The following DSE variants were observed in gnomAD, a reference collection of about 807,000 sequenced individuals.
The protein encoded by DSE is dermatan-sulfate epimerase.
Under a neutral mutation model 84.4 loss-of-function variants are expected in DSE, and 36 were observed. The observed-to-expected ratio is 0.43, with a 90% CI of 0.33 to 0.56. The LOEUF (loss-of-function observed/expected upper bound fraction) is 0.56, where lower values mean the gene tolerates loss of function less well. Ranked by LOEUF, DSE falls within the 20% of genes least tolerant of loss-of-function variation. DSE has a pLI of 0.06. For missense variants in DSE, 862 were observed against 1,169.6 expected (o/e 0.74, Z 3.84); for synonymous variants, 410 against 430.1 (o/e 0.95, Z 0.58).
At chr6:116,345,731 A>G (rs1326519684) in intron 2 of DSE, among the ~76,000 whole-genome samples, 10 of 152,340 alleles carry the variant, frequency 6.6e-5, no homozygotes, top group African/African-American at 2.4e-4. Context: ...GAGCAAACAC[A>G]TTCAAAAGCT....
intron 2 of DSE, among the ~76,000 whole-genome samples, chr6:116,316,826 C>CTATTATTATTAT (rs5879374): frequency 0.014 from 2,027 of 145,844 alleles, 40 homozygotes; most frequent in East Asian, 0.098. Context: ...ACTACTACTA[C>CTATTATTATTAT]TATTATTATT....
At chr6:116,348,109 C>T (rs1368078933) in intron 2 of DSE, among the ~76,000 whole-genome samples, 1 of 152,140 alleles carries the variant, frequency 6.6e-6, no homozygotes, top group South Asian at 2.1e-4. Context: ...CCATCTCACA[C>T]CAGTTAGAAT....
chr6:116,432,645 T>C (rs1319217670), intron 4 of DSE: 1 of 151,914 alleles, frequency 6.6e-6, no homozygotes, highest in African/African-American at 2.4e-5. Context: ...GTTGATACTC[T>C]AGTAGCAATT....
At chr6:116,285,176 C>A (rs1357742999) in intron 2 of DSE, among the ~76,000 whole-genome samples, 2 of 152,204 alleles carry the variant, frequency 1.3e-5, no homozygotes, top group Non-Finnish European at 2.9e-5. Flanking sequence ...TCGTCTCCAG[C>A]ACCTGTTGTT....
At position 116,278,753 on chromosome 6, in the gene DSE, C is replaced by T; in HGVS notation, c.-54+19786C>T. On this transcript the variant is annotated intron_variant, in intron 2 of 3. Transcript: ENST00000430252. ...CGAATGAAGGACTGGGGTTCATGCC[C>T]CCTGCGCCATATAATTGGAGTAGAA... 3 of 1,614,118 alleles carry T rather than the reference C, an allele frequency of 1.9e-6. No individual in the cohort carries two copies. The highest frequency in any genetic ancestry group is 2.5e-6 in the Non-Finnish European group (3 of 1,180,030).
intron 1 of DSE, among the ~76,000 whole-genome samples, chr6:116,372,068 C>A (rs1779622688): frequency 6.6e-6 from 1 of 152,196 alleles, no homozygotes; most frequent in Non-Finnish European, 1.5e-5. Context: ...TTTAGAAAGT[C>A]ATGGTTTAGC....
chr6:116,331,277 GGAAA>G (rs1776919338), intron 2 of DSE, among the ~76,000 whole-genome samples: 1 of 152,086 alleles, frequency 6.6e-6, no homozygotes, highest in Non-Finnish European at 1.5e-5. Flanking sequence ...AATTTATAAA[GGAAA>G]GAGATTTAAT....
chr6:116,306,739 T>C (rs562735205), intron 2 of DSE, among the ~76,000 whole-genome samples: 1 of 152,148 alleles, frequency 6.6e-6, no homozygotes, highest in Non-Finnish European at 1.5e-5. Flanking sequence ...GTGATACTCT[T>C]TAGAGATGGG....
chr6:116,382,067 G>GTGTGTT (rs1182642370), intron 1 of DSE, among the ~76,000 whole-genome samples: 1 of 151,840 alleles, frequency 6.6e-6, no homozygotes, highest in East Asian at 1.9e-4. Flanking sequence ...GTGTGTGTGT[G>GTGTGTT]TGTGTCTCCA....
chr6:116,425,008 G>A (rs1396452822), intron 2 of DSE, among the ~76,000 whole-genome samples: 1 of 152,124 alleles, frequency 6.6e-6, no homozygotes, highest in Non-Finnish European at 1.5e-5. Flanking sequence ...TGATGGTATT[G>A]GGAGGATCTG....
At chr6:116,392,459 T>C (rs939896457) in intron 1 of DSE, among the ~76,000 whole-genome samples, 8 of 152,210 alleles carry the variant, frequency 5.3e-5, no homozygotes, top group African/African-American at 1.9e-4. Context: ...ATCATGTAAC[T>C]AACTATGGGG....
At chr6:116,258,460 GC>G (rs1404705573) in exon 2 of DSE, 1 of 896,084 alleles carries the variant, frequency 1.1e-6, no homozygotes, top group Non-Finnish European at 1.9e-6. Context: ...GCCCTGAAGG[GC>G]AGACAGGTTT....
At chr6:116,343,663 C>G (rs535369419) in intron 2 of DSE, among the ~76,000 whole-genome samples, 1 of 152,236 alleles carries the variant, frequency 6.6e-6, no homozygotes, top group South Asian at 2.1e-4. Context: ...GTAGATAAAA[C>G]CACAAAGATG....
intron 2 of DSE, among the ~76,000 whole-genome samples, chr6:116,273,364 A>C (rs757371446): frequency 6.6e-6 from 1 of 152,200 alleles, no homozygotes; most frequent in Non-Finnish European, 1.5e-5. Context: ...GCTTGATAGA[A>C]ACTCTTCTAT....
At chr6:116,384,697 A>T (rs1780464795) in intron 1 of DSE, among the ~76,000 whole-genome samples, 1 of 152,190 alleles carries the variant, frequency 6.6e-6, no homozygotes, top group East Asian at 1.9e-4. Flanking sequence ...ATCTCTGAGG[A>T]TTTAAAAGTT....
intron 2 of DSE, chr6:116,279,006 G>A: frequency 1.2e-6 from 2 of 1,614,138 alleles, no homozygotes; most frequent in Admixed American, 1.7e-5. Flanking sequence ...AGAAGCCCGG[G>A]ATATTCTGAA....
intron 1 of DSE, among the ~76,000 whole-genome samples, chr6:116,371,436 G>T (rs1779564431): frequency 1.3e-5 from 2 of 152,216 alleles, no homozygotes; most frequent in Non-Finnish European, 2.9e-5. Flanking sequence ...CCTGGAGATC[G>T]CATTCCGTGC....
chr6:116,286,109 G>T, intron 2 of DSE, among the ~76,000 whole-genome samples: 1 of 152,126 alleles, frequency 6.6e-6, no homozygotes, highest in East Asian at 1.9e-4. Context: ...AATTACCTTG[G>T]GCAGTATGGC....
Position 116,270,438 on chromosome 6 carries a change from C to T in DSE, c.-54+11471C>T, listed in dbSNP as rs537763647. 5.5e-4 allele frequency among the ~76,000 whole-genome samples: 84 copies of T among 152,188 alleles called. 1 individual carries two copies. Among genetic ancestry groups the T allele is most frequent in the South Asian group, 1.9e-3 (9 of 4,822 alleles). ...GTACTACATGCCTCTTATAAGTAAT[C>T]GCTCTATTGACTAAACCTCAATAAA... On this transcript the variant is annotated intron_variant, in intron 2 of 3. Transcript: ENST00000430252.
Sources: gnomAD v4.1 joint callset for allele counts (sites outside exome capture counted in the v4.1 genomes callset) on GRCh38, gnomAD v4.1.1 for gene constraint, MANE v1.5 for transcripts, NCBI Gene and HGNC (gene_info 2026-07-23, HGNC 2026-07-21) for gene names.